The following PER1 variants were observed in gnomAD, a reference collection of about 807,000 sequenced individuals.
PER1 encodes the protein period circadian protein homolog 1.
In PER1, 87 loss-of-function variants were observed where a neutral mutation model predicts 125.9. The observed-to-expected ratio is 0.69, with a 90% CI of 0.58 to 0.83. The LOEUF (loss-of-function observed/expected upper bound fraction) is 0.83. PER1 is among the 40% of genes least tolerant of loss of function. The probability of loss-of-function intolerance (pLI) is 0.00; values close to 1 mark genes in which losing one functional copy is unlikely to be tolerated. For missense variants in PER1, 1,775 were observed against 1,722.8 expected, an observed-to-expected ratio of 1.03 and a Z score of -0.54; for synonymous variants, 801 against 714.7, an observed-to-expected ratio of 1.12 and a Z score of -1.93.
intron 1 of PER1, 51 bp from the exon 2 acceptor site, chr17:8,150,896 A>C (rs74451852): frequency 1.8e-6 from 1 of 556,742 alleles, no homozygotes; most frequent in East Asian, 3.0e-5. Flanking sequence ...GTTTAACTCC[A>C]GAGCACCTGC....
At chr17:8,143,916 G>T (rs1192364612) in intron 18 of PER1, 40 bp from the exon 19 acceptor site, 1 of 1,569,446 alleles carries the variant, frequency 6.4e-7, no homozygotes, top group Admixed American at 1.7e-5. Context: ...CCTCAACCTG[G>T]GGTTAGTACC....
In PER1 at chr17:8,143,650, C is replaced by G. The variant is rs369066321; in HGVS notation, c.2688G>C (p.Gln896His). The G allele has an allele frequency of 4.5e-5, 64 of 1,415,512 alleles. No homozygotes were observed. The African/African-American group carries it at 9.2e-4, about 20-fold the overall frequency. The allele number at this position is 1,415,512 out of a possible 1,614,324, so 87.7% of individuals were successfully genotyped here. Residue 896 changes from glutamine (Q) to histidine (H), a missense_variant, in exon 19 of 23, where the codon CAG becomes CAC. Transcript: ENST00000317276. The part of the protein sequence containing the change: ...LPVFSPRGGP[Q>H]PLPPAPTSVP... The stretch of plus-strand genomic sequence containing the variant: ...CAGATGTGGGAGCAGGGGGAAGAGG[C>G]TGGGGGCCTCCTCGAGGAGAGAACA...
intron 1 of PER1, among the ~76,000 whole-genome samples, chr17:8,151,431 T>C (rs1353516401): frequency 6.6e-6 from 1 of 151,850 alleles, no homozygotes; most frequent in Non-Finnish European, 1.5e-5. Flanking sequence ...ACTCTCACAC[T>C]GGTGGGCGCG....
At chr17:8,143,988 G>A in intron 18 of PER1, 112 bp from the exon 19 acceptor site, 1 of 1,456,738 alleles carries the variant, frequency 6.9e-7, no homozygotes, top group Non-Finnish European at 9.0e-7. Context: ...GTCCCAGAGA[G>A]AGCTTCTCAA....
Position 8,150,611 on chromosome 17 carries a change from C to T in PER1, c.96G>A (p.Gln32=), listed in dbSNP as rs761104766. 56 of 1,613,364 alleles carry T rather than the reference C, an allele frequency of 3.5e-5. No individual in the cohort carries two copies. Among genetic ancestry groups the T allele is most frequent in the Non-Finnish European group, 4.7e-5 (56 of 1,179,838 alleles). The part of the protein sequence containing the change: ...PGGVPSPGPP[Q]HRPCPGPSLA... ...GGCTGGGGCCTGGGCAAGGCCGGTG[C>T]TGTGGGGGCCCAGGGGATGGGACGC... The change falls in exon 2 of 23, where the codon CAG becomes CAA. Residue 32 remains glutamine, a synonymous_variant. Coordinates refer to ENST00000317276, the MANE Select transcript of PER1 (RefSeq NM_002616.3).
chr17:8,146,219 G>T (rs1982425829), intron 16 of PER1, 82 bp from the exon 17 acceptor site: 5 of 1,535,262 alleles, frequency 3.3e-6, no homozygotes, highest in Non-Finnish European at 3.5e-6. Context: ...AAGGGGAAGG[G>T]GATGGTGGTA....
intron 19 of PER1, 44 bp from the exon 20 acceptor site, chr17:8,142,879 C>T (rs373342832): frequency 5.6e-6 from 8 of 1,424,088 alleles, no homozygotes; most frequent in Non-Finnish European, 7.7e-6. Flanking sequence ...GGGGTCAGCA[C>T]CTAGGCCTCC....
intron 10 of PER1, 41 bp from the exon 11 acceptor site, chr17:8,147,868 G>T: frequency 6.2e-7 from 1 of 1,610,926 alleles, no homozygotes; most frequent in Non-Finnish European, 8.5e-7. Flanking sequence ...AAGGGAGGGA[G>T]AGCTGAGTAA....
chr17:8,148,410 G>A (rs1232714527), intron 8 of PER1, 151 bp from the exon 9 acceptor site: 3 of 799,782 alleles, frequency 3.8e-6, no homozygotes, highest in African/African-American at 1.7e-5. Flanking sequence ...CCAATCCTAT[G>A]CCCTGTATCA....
At position 8,147,602 on chromosome 17, in the gene PER1, G is replaced by T. The variant is rs763611760; in HGVS notation, c.1389-24C>A. 3.1e-6 allele frequency: 5 copies of T among 1,613,202 alleles called. No homozygotes were observed. The South Asian group carries it at 4.4e-5, about 14-fold the overall frequency. ...CCCTGTAGAGTGAAGAGTGAATCCA[G>T]CCCTGGCCCGGTCCTGTCCCCCACC... On this transcript the variant is annotated intron_variant, in intron 11 of 22. Transcript: ENST00000317276.
intron 14 of PER1, 45 bp downstream of exon 14, chr17:8,146,851 GA>G (rs946674451): frequency 4.4e-6 from 7 of 1,603,470 alleles, no homozygotes; most frequent in Admixed American, 1.7e-5. Flanking sequence ...AAGGTCAGGG[GA>G]CCCCCCAGGT....
chr17:8,143,411 G>T lies in PER1; in HGVS notation c.2927C>A (p.Ser976Ter). Residue 976 changes from serine to a stop codon, truncating the protein, a stop_gained, in exon 19 of 23, where the codon TCG becomes TAG. Transcript: ENST00000317276. LOFTEE classifies it high-confidence loss of function. ...PHRPDSPLFN[S>*]RCSSPLQLNL... ...GAGCTGGAGTGGAGAGCTGCATCTC[G>T]AGTTGAACAGTGGAGAGTCCGGGCG... 1 of 1,613,580 alleles carries T rather than the reference G, an allele frequency of 6.2e-7. No homozygotes were observed. The highest frequency in any genetic ancestry group is 8.5e-7 in the Non-Finnish European group (1 of 1,179,808).
At position 8,141,065 on chromosome 17, in the gene PER1, A is replaced by G; in HGVS notation, c.*3T>C. The G allele has an allele frequency of 1.2e-6, 2 of 1,609,176 alleles. No individual in the cohort carries two copies. The highest frequency in any genetic ancestry group is 8.5e-7 in the Non-Finnish European group (1 of 1,176,758). On this transcript the variant is annotated 3_prime_UTR_variant, in exon 23 of 23. Coordinates refer to ENST00000317276, the MANE Select transcript of PER1 (RefSeq NM_002616.3). Reference sequence around the variant, plus strand: ...ACTCCTGGAGATGGTCCCAGAATGGAGTCTAGCTGGTGCAGTTTCCTGCTG... The same window carrying G: ...ACTCCTGGAGATGGTCCCAGAATGGGGTCTAGCTGGTGCAGTTTCCTGCTG...
At position 8,142,013 on chromosome 17, in the gene PER1, C is replaced by T. The variant is rs1982111891; in HGVS notation, c.3450-58G>A. The stretch of plus-strand genomic sequence containing the variant: ...GGGATCCAGGACCCGGACCAGGACC[C>T]ATGAAGCTGGCATCCTTCCTCTACC... On this transcript the variant is annotated intron_variant, in intron 21 of 22. Transcript: ENST00000317276. 4 of 1,603,902 alleles carry T rather than the reference C, an allele frequency of 2.5e-6. No homozygotes were observed. The East Asian group carries it at 8.9e-5, about 36-fold the overall frequency.
rs1427719746 is a variant in PER1 at position 8,150,547 on chromosome 17, C to T, written c.160G>A (p.Gly54Ser). The T allele has an allele frequency of 1.2e-5, 19 of 1,614,058 alleles. No individual in the cohort carries two copies. The highest frequency in any genetic ancestry group is 1.4e-5 in the Non-Finnish European group (17 of 1,180,028). The change falls in exon 2 of 23, where the codon GGC (glycine) becomes AGC (serine). Residue 54 changes from glycine to serine, a missense_variant. Coordinates refer to ENST00000317276, the MANE Select transcript of PER1 (RefSeq NM_002616.3). The stretch of plus-strand genomic sequence containing the variant: ...GACTCATGCCCGTTGGACTCATTGC[C>T]ACTTGAACCATTGCTGTTGGCATCG... The part of the protein sequence containing the change: ...DTDANSNGSS[G>S]NESNGHESRG...
intron 8 of PER1, 123 bp from the exon 9 acceptor site, chr17:8,148,382 GC>G: frequency 1.1e-6 from 1 of 880,176 alleles, no homozygotes; most frequent in Non-Finnish European, 1.8e-6. Flanking sequence ...GGCACTATGG[GC>G]CCAAAGATGG....
intron 7 of PER1, 64 bp downstream of exon 7, chr17:8,149,195 C>CA: frequency 7.5e-7 from 1 of 1,339,554 alleles, no homozygotes; most frequent in South Asian, 1.2e-5. Flanking sequence ...TTTCAAAAAG[C>CA]AAAAACAAAA....
At position 8,149,746 on chromosome 17, in the gene PER1, G is replaced by A. The variant is rs750160632; in HGVS notation, c.651+9C>T. 9.3e-5 allele frequency: 150 copies of A among 1,612,444 alleles called. No individual in the cohort carries two copies. The Admixed American group carries it at 1.9e-3, about 21-fold the overall frequency. ...TGCGTCGGGATGCAGAGGCCAGGCC[G>A]CCGCTGACCTGGTTCTGAAGTGTGT... On this transcript the variant is annotated intron_variant, in intron 5 of 22. Transcript: ENST00000317276.
intron 7 of PER1, 42 bp downstream of exon 7, chr17:8,149,213 CAAAA>C (rs78404230): frequency 1.3e-5 from 5 of 381,004 alleles, no homozygotes; most frequent in East Asian, 3.8e-5. Flanking sequence ...AAAACAAAAA[CAAAA>C]AAAAAAGGAG....
Sources: allele counts gnomAD v4.1 joint callset (sites outside exome capture counted in the v4.1 genomes callset), GRCh38; gene constraint gnomAD v4.1.1; transcripts MANE v1.5; gene names NCBI Gene and HGNC (gene_info 2026-07-23, HGNC 2026-07-21).